Variants in ZFP64 observed in about 807,000 individuals in gnomAD.
ZFP64 encodes the protein zinc finger protein 64.
ZFP64 carries 14 observed loss-of-function variants against 51.6 expected under a neutral mutation model. The ratio of observed to expected loss-of-function variants is 0.27; its 90% CI spans 0.18 to 0.42. ZFP64 has a LOEUF of 0.42. Among genes scored for constraint, ZFP64 ranks in the 10% least tolerant of loss-of-function variants. ZFP64 has a pLI of 1.00. For synonymous variants in ZFP64, 375 were observed against 361.4 expected (o/e 1.04, Z -0.43); for missense variants, 754 against 906.8 (o/e 0.83, Z 2.16).
At chr20:52,098,511 G>A (rs146493239) in exon 6 of ZFP64, 18,979 of 1,614,178 alleles carry the variant, frequency 0.012, 152 homozygotes, top group Non-Finnish European at 0.014. Flanking sequence ...GAAGAGTGAT[G>A]ACAGGGGCCT....
chr20:52,153,315 T>C lies in ZFP64; in HGVS notation c.877A>G (p.Asn293Asp). Residue 293 changes from asparagine to aspartate, a missense_variant, in exon 6 of 6, where the codon AAT becomes GAT. Around this residue, in one of 3 missense-constraint regions of ZFP64, gnomAD observed 231 missense variants for 336.7 expected, o/e 0.69. Coordinates refer to ENST00000216923, the MANE Select transcript of ZFP64 (RefSeq NM_018197.3). This position sits in a 1 kb window ranked among gnomAD's most constrained non-coding sequence, Gnocchi z 5.1. The part of the protein sequence containing the change: ...GEKPFKCEFC[N>D]VRCTMKGNLK... ...TTCCCCTTCATGGTGCAGCGGACAT[T>C]GCAGAACTCGCACTTGAAAGGCTTC... is the stretch of plus-strand genomic sequence containing the variant. 2 of 1,614,174 alleles carry C rather than the reference T, an allele frequency of 1.2e-6. No individual in the cohort carries two copies. Among genetic ancestry groups the C allele is most frequent in the Non-Finnish European group, 1.7e-6 (2 of 1,180,024 alleles).
intron 1 of ZFP64, among the ~76,000 whole-genome samples, chr20:52,189,088 A>AT (rs1302991133): frequency 1.3e-5 from 2 of 152,152 alleles, no homozygotes; most frequent in African/African-American, 4.8e-5. Flanking sequence ...ATTATAAAAT[A>AT]TTTTTTTCCA....
downstream of ZFP64, among the ~76,000 whole-genome samples, chr20:52,150,519 T>C (rs1980740735): frequency 6.6e-6 from 1 of 151,460 alleles, no homozygotes. Context: ...ATCACTAACA[T>C]TGTACACTGC....
chr20:52,181,053 C>T (rs1049541518), intron 2 of ZFP64, among the ~76,000 whole-genome samples: 20 of 152,218 alleles, frequency 1.3e-4, no homozygotes, highest in Non-Finnish European at 2.5e-4. Context: ...AGCGATTCTC[C>T]TGCCTCAGCC....
chr20:52,160,247 G>T lies in ZFP64; in HGVS notation c.639C>A (p.Ala213=). ...GGTGCTTGTTGAGGCTGCTGCTGTC[G>T]GCAGCGGCGTAGTCACACGTCTTAC... is the stretch of plus-strand genomic sequence containing the variant. ...YKCKTCDYAA[A]DSSSLNKHLR... Residue 213 remains alanine, a synonymous_variant, in exon 5 of 6, where the codon GCC becomes GCA. Coordinates refer to ENST00000216923, the MANE Select transcript of ZFP64 (RefSeq NM_018197.3). The surrounding 1 kb of genome is among the most constrained non-coding windows in gnomAD (Gnocchi z 4.2). 1 of 1,614,108 alleles carries T rather than the reference G, an allele frequency of 6.2e-7. No homozygotes were observed. The highest frequency in any genetic ancestry group is 8.5e-7 in the Non-Finnish European group (1 of 1,180,032).
chr20:52,131,634 A>T (rs1979727504), intron 5 of ZFP64, among the ~76,000 whole-genome samples: 1 of 152,206 alleles, frequency 6.6e-6, no homozygotes, highest in African/African-American at 2.4e-5. Context: ...CACTATATAT[A>T]ATGTTTATAA....
intron 5 of ZFP64, among the ~76,000 whole-genome samples, chr20:52,115,226 G>C (rs1002440655): frequency 1.4e-5 from 2 of 141,530 alleles, no homozygotes; most frequent in Non-Finnish European, 3.1e-5. Flanking sequence ...GAAACACCAG[G>C]CTGGATTTAT....
At chr20:52,096,879 A>G (rs1455391320) in intron 7 of ZFP64, 1 of 350,726 alleles carries the variant, frequency 2.9e-6, no homozygotes, top group South Asian at 2.2e-5. Context: ...ACAGAGCAGG[A>G]CTCTGTCTCA....
At chr20:52,171,422 TGTATGTGTCTGTGTGTGC>T (rs987241113) in intron 2 of ZFP64, among the ~76,000 whole-genome samples, 1 of 152,174 alleles carries the variant, frequency 6.6e-6, no homozygotes, top group African/African-American at 2.4e-5. Flanking sequence ...TATGTGTATG[TGTATGTGTCTGTGTGTGC>T]GTATGTGTGA....
chr20:52,153,605 C>T lies in ZFP64; in HGVS notation c.764-177G>A, dbSNP rs6126483. ...GGGGCAGGGCGTCTTTATCTTTCCC[C>T]GGAACCCAAACCACCACCACCGGTA... is the stretch of plus-strand genomic sequence containing the variant. On this transcript the variant is annotated intron_variant, in intron 5 of 5. Transcript: ENST00000216923. The surrounding 1 kb of genome is among the most constrained non-coding windows in gnomAD (Gnocchi z 5.1). Among the ~76,000 whole-genome samples, 20 of 152,110 alleles carry T rather than the reference C, an allele frequency of 1.3e-4. No individual in the cohort carries two copies. Among genetic ancestry groups the T allele is most frequent in the African/African-American group, 1.9e-4 (8 of 41,418 alleles).
chr20:52,099,619 G>A (rs185215992), intron 5 of ZFP64, among the ~76,000 whole-genome samples: 21 of 152,278 alleles, frequency 1.4e-4, no homozygotes, highest in Admixed American at 1.1e-3. Context: ...GTGTGAAAAT[G>A]GAATTAGAGT....
At chr20:52,167,172 A>T (rs1467864777) in intron 2 of ZFP64, among the ~76,000 whole-genome samples, 1 of 151,886 alleles carries the variant, frequency 6.6e-6, no homozygotes, top group Non-Finnish European at 1.5e-5. Context: ...TAAAAATACA[A>T]AAATTAGCTG....
At chr20:52,089,945 A>G (rs77220117) in intron 7 of ZFP64, among the ~76,000 whole-genome samples, 3,496 of 152,264 alleles carry the variant, frequency 0.023, 143 homozygotes, top group African/African-American at 0.08. Context: ...CTGTGAACCT[A>G]AAACTGCTCT....
rs1036020057 is a variant in ZFP64, at chr20:52,151,668, G to C, written c.*478C>G. ...ACGATTCAGAGGTGGTCTCAAAGTT[G>C]TTACAGTGTTAAAAAAATTATAGTA... On this transcript the variant is annotated 3_prime_UTR_variant, in exon 6 of 6. Coordinates refer to ENST00000216923, the MANE Select transcript of ZFP64 (RefSeq NM_018197.3). The C allele has an allele frequency of 4.0e-5, 40 of 991,702 alleles. No individual in the cohort carries two copies. Among genetic ancestry groups the C allele is most frequent in the Non-Finnish European group, 4.6e-5 (38 of 833,268 alleles). The allele number at this position is 991,702 out of a possible 1,614,324, so 61.4% of individuals were successfully genotyped here. A position where few individuals can be genotyped will look rare whatever the true frequency, so the allele number is the denominator to read the frequency against.
chr20:52,102,581 G>C (rs1005869650), intron 5 of ZFP64, among the ~76,000 whole-genome samples: 2 of 152,158 alleles, frequency 1.3e-5, no homozygotes, highest in Non-Finnish European at 1.5e-5. Context: ...CATACTAGAA[G>C]AGAAAACCAT....
At chr20:52,124,211 G>T (rs1180442780) in intron 5 of ZFP64, among the ~76,000 whole-genome samples, 1 of 115,168 alleles carries the variant, frequency 8.7e-6, no homozygotes, top group East Asian at 2.4e-4. Flanking sequence ...AAAAAAAAAA[G>T]TCAGACTATT....
At chr20:52,146,012 T>A (rs1176572174) in intron 5 of ZFP64, among the ~76,000 whole-genome samples, 1 of 152,178 alleles carries the variant, frequency 6.6e-6, no homozygotes, top group Non-Finnish European at 1.5e-5. Context: ...ACAAAAATAT[T>A]CTTTCTTTAT....
chr20:52,105,277 C>A, intron 5 of ZFP64: 1 of 1,290,746 alleles, frequency 7.7e-7, no homozygotes, highest in South Asian at 2.6e-5. Flanking sequence ...CTAGGAGTGG[C>A]CTACTTCACA....
At chr20:52,181,319 T>C (rs1983596927) in intron 2 of ZFP64, among the ~76,000 whole-genome samples, 1 of 152,134 alleles carries the variant, frequency 6.6e-6, no homozygotes, top group South Asian at 2.1e-4. Flanking sequence ...CCTGAGGCCT[T>C]ACGCAGCCAA....
Sources: gnomAD v4.1 joint callset for allele counts (sites outside exome capture counted in the v4.1 genomes callset) on GRCh38, gnomAD v4.1.1 for gene constraint, gnomAD v4.1.1 regional missense constraint, Gnocchi (gnomAD v3.1) non-coding constraint, MANE v1.5 for transcripts, NCBI Gene and HGNC (gene_info 2026-07-23, HGNC 2026-07-21) for gene names.